Variants in TNPO2 observed in about 807,000 individuals in gnomAD.
TNPO2 encodes the protein transportin 2, also known as transportin-2.
Under a neutral mutation model 111.1 loss-of-function variants are expected in TNPO2, and 16 were observed. The observed-to-expected ratio is 0.14, with a 90% CI of 0.10 to 0.22. The LOEUF (loss-of-function observed/expected upper bound fraction) is 0.22, where lower values mean the gene tolerates loss of function less well. TNPO2 is among the 10% of genes least tolerant of loss of function. The pLI is 1.00. For synonymous variants in TNPO2, 481 were observed against 475.8 expected, an observed-to-expected ratio of 1.01 and a Z score of -0.14; for missense variants, 530 against 1,173.7, an observed-to-expected ratio of 0.45 and a Z score of 8.01.
chr19:12,708,828 G>A (rs1483576732), intron 13 of TNPO2, among the ~76,000 whole-genome samples: 4 of 151,692 alleles, frequency 2.6e-5, no homozygotes, highest in East Asian at 1.9e-4. Flanking sequence ...TCAAGATTGC[G>A]CCATTGCACT....
Position 12,715,566 on chromosome 19 carries a change from C to T in TNPO2, c.433-28G>A, listed in dbSNP as rs200049039. 12 of 1,613,664 alleles carry T rather than the reference C, an allele frequency of 7.4e-6. No homozygotes were observed. The Admixed American group carries it at 1.3e-4, about 18-fold the overall frequency. On this transcript the variant is annotated intron_variant, in intron 6 of 25. Coordinates refer to ENST00000425528, the MANE Select transcript of TNPO2 (RefSeq NM_001382241.1). This position sits in a 1 kb window ranked among gnomAD's most constrained non-coding sequence, Gnocchi z 7.1. ...GAGTGCAGAGGGGCAGAGAGACAAA[C>T]GTGGGTGGTGGGTGGTGGTCCCAGC...
chr19:12,712,855 C>T (rs1456279455), intron 10 of TNPO2, among the ~76,000 whole-genome samples: 1 of 152,194 alleles, frequency 6.6e-6, no homozygotes, highest in Non-Finnish European at 1.5e-5. Context: ...TTTATTTCTA[C>T]ACTCTCTCAT....
intron 13 of TNPO2, among the ~76,000 whole-genome samples, chr19:12,708,372 T>C (rs2025826098): frequency 6.6e-6 from 1 of 151,620 alleles, no homozygotes; most frequent in Non-Finnish European, 1.5e-5. Context: ...CATCAGGTGA[T>C]CCACCCGCCT....
Position 12,705,224 on chromosome 19 carries a change from C to T in TNPO2, c.2022+16G>A. 2.5e-6 allele frequency: 4 copies of T among 1,596,136 alleles called. No individual in the cohort carries two copies. The highest frequency in any genetic ancestry group is 3.4e-6 in the Non-Finnish European group (4 of 1,172,254). On this transcript the variant is annotated intron_variant, in intron 18 of 25. Transcript: ENST00000425528. This position sits in a 1 kb window ranked among gnomAD's most constrained non-coding sequence, Gnocchi z 7.2. ...CAGGCTGCTGGGTGTCATCACTGTC[C>T]AGGGTCCCCACCCACCTGCATGCAC... is the stretch of plus-strand genomic sequence containing the variant.
Position 12,705,776 on chromosome 19 carries a change from G to T in TNPO2, c.1669-8C>A. ...CAGCTTCTGGATGTATTCCTGGAGA[G>T]GGAGCACGAAATGGGCGCTCCCTGG... On this transcript the variant is annotated splice_region_variant and splice_polypyrimidine_tract_variant and intron_variant, in intron 15 of 25. Coordinates refer to ENST00000425528, the MANE Select transcript of TNPO2 (RefSeq NM_001382241.1). The surrounding 1 kb of genome is among the most constrained non-coding windows in gnomAD (Gnocchi z 7.2). 1 of 1,455,674 alleles carries T rather than the reference G, an allele frequency of 6.9e-7. No individual in the cohort carries two copies. The highest frequency in any genetic ancestry group is 9.1e-7 in the Non-Finnish European group (1 of 1,100,112). 90.2% of individuals were successfully genotyped at this position (1,455,674 alleles called of 1,614,324 possible).
rs201711242 is a variant in TNPO2 at position 12,701,386 on chromosome 19, G to A, written c.2654C>T (p.Pro885Leu). The change falls in exon 25 of 26, where the codon CCG becomes CTG. Residue 885 changes from proline (P) to leucine (L), a missense_variant. Coordinates refer to ENST00000425528, the MANE Select transcript of TNPO2 (RefSeq NM_001382241.1). The surrounding 1 kb of genome is among the most constrained non-coding windows in gnomAD (Gnocchi z 5.0). ...NWQQFSEQFP[P>L]LLKERLAAFY... ...AGCCGCCAGCCTCTCCTTGAGCAGCGGCGGGAATTGCTCAGAGAACTGCTG... is the reference window on the plus strand; with the variant it reads ...AGCCGCCAGCCTCTCCTTGAGCAGCAGCGGGAATTGCTCAGAGAACTGCTG... 3.8e-5 allele frequency: 61 copies of A among 1,613,942 alleles called. No individual in the cohort carries two copies. In the East Asian group the frequency reaches 5.6e-4, roughly 15 times the overall value.
chr19:12,707,511 A>C (rs1451405448), intron 13 of TNPO2, among the ~76,000 whole-genome samples: 5 of 83,012 alleles, frequency 6.0e-5, no homozygotes, highest in African/African-American at 2.4e-4. Context: ...TTTTTTTGAG[A>C]TGGAGTCTTG....
chr19:12,705,138 C>G lies in TNPO2; in HGVS notation c.2022+102G>C. On this transcript the variant is annotated intron_variant, in intron 18 of 25. Coordinates refer to ENST00000425528, the MANE Select transcript of TNPO2 (RefSeq NM_001382241.1). The surrounding 1 kb of genome is among the most constrained non-coding windows in gnomAD (Gnocchi z 7.2). ...CTCTTTAAAATAATTAGAACAGCAC[C>G]TTTTCCCTGATTTCCTTTGGGCACA... 8.0e-7 allele frequency: 1 copy of G among 1,251,010 alleles called. No individual in the cohort carries two copies. The highest frequency in any genetic ancestry group is 1.1e-6 in the Non-Finnish European group (1 of 896,448). 77.5% of individuals were successfully genotyped at this position (1,251,010 alleles called of 1,614,324 possible).
In TNPO2 at chr19:12,717,262, TTC is replaced by T. The variant is rs1449346664; in HGVS notation, c.326-1525_326-1524del. Among the ~76,000 whole-genome samples the T allele has an allele frequency of 3.0e-3, 442 of 148,930 alleles. 3 individuals are homozygous for T. Among genetic ancestry groups the T allele is most frequent in the African/African-American group, 0.01 (408 of 38,964 alleles). ...ACTAAGGTTATCAGTAGGTTTCTTT[TTC>T]TCTCTTTTTTTTTTTTTTTTTTTTT... On this transcript the variant is annotated intron_variant, in intron 5 of 25. Coordinates refer to ENST00000425528, the MANE Select transcript of TNPO2 (RefSeq NM_001382241.1).
chr19:12,701,343 C>A lies in TNPO2; in HGVS notation c.*3G>T. 1 of 1,612,564 alleles carries A rather than the reference C, an allele frequency of 6.2e-7. No individual in the cohort carries two copies. The highest frequency in any genetic ancestry group is 8.5e-7 in the Non-Finnish European group (1 of 1,178,794). ...CTCCTTACCTGGCAGTCTCCATGAT[C>A]ACCTAGACCCCATAGAAAGCCGCCA... On this transcript the variant is annotated 3_prime_UTR_variant, in exon 25 of 26. Coordinates refer to ENST00000425528, the MANE Select transcript of TNPO2 (RefSeq NM_001382241.1). The surrounding 1 kb of genome is among the most constrained non-coding windows in gnomAD (Gnocchi z 5.0).
chr19:12,720,657 C>CCTAAT, intron 3 of TNPO2, among the ~76,000 whole-genome samples: 2 of 152,118 alleles, frequency 1.3e-5, no homozygotes, highest in Non-Finnish European at 2.9e-5. Flanking sequence ...TAGATGCTAG[C>CCTAAT]GTTCGATGAA....
chr19:12,703,062 G>C (rs1447373649), intron 20 of TNPO2, 144 bp from the exon 21 acceptor site: 1 of 711,824 alleles, frequency 1.4e-6, no homozygotes, highest in South Asian at 1.8e-5. Flanking sequence ...GACCTTCTCC[G>C]GCTAATCCCC....
rs1029346730 is a variant in TNPO2 at position 12,723,772 on chromosome 19, C to A, written c.-134G>T. Reference sequence around the variant, plus strand: ...GGGAACAGCTATCTCAACCCACTTGCCGTAGGCAAAGTCAGTCCCGGCTCC... The same window carrying A: ...GGGAACAGCTATCTCAACCCACTTGACGTAGGCAAAGTCAGTCCCGGCTCC... On this transcript the variant is annotated 5_prime_UTR_variant, in exon 1 of 26. Coordinates refer to ENST00000425528, the MANE Select transcript of TNPO2 (RefSeq NM_001382241.1). 3.9e-5 allele frequency: 6 copies of A among 152,218 alleles called. No homozygotes were observed. The highest frequency in any genetic ancestry group is 1.4e-4 in the African/African-American group (6 of 41,444). 9.4% of individuals were successfully genotyped at this position (152,218 alleles called of 1,614,324 possible). A position where few individuals can be genotyped will look rare whatever the true frequency, so the allele number is the denominator to read the frequency against.
Position 12,715,329 on chromosome 19 carries a change from C to CG in TNPO2, c.567-6dup. 1.2e-6 allele frequency: 2 copies of CG among 1,613,742 alleles called. No homozygotes were observed. Among genetic ancestry groups the CG allele is most frequent in the Non-Finnish European group, 1.7e-6 (2 of 1,179,796 alleles). ...ACGCAGGCGATGGCGTGGGACCTGG[C>CG]GGGGAGCAGACACGTGGGTCACCCT... On this transcript the variant is annotated splice_region_variant and splice_polypyrimidine_tract_variant and intron_variant, in intron 7 of 25. Coordinates refer to ENST00000425528, the MANE Select transcript of TNPO2 (RefSeq NM_001382241.1). The surrounding 1 kb of genome is among the most constrained non-coding windows in gnomAD (Gnocchi z 7.1).
Position 12,702,839 on chromosome 19 carries a change from T to C in TNPO2, c.2289A>G (p.Thr763=). 1.2e-6 allele frequency: 2 copies of C among 1,613,810 alleles called. No homozygotes were observed. The highest frequency in any genetic ancestry group is 1.7e-6 in the Non-Finnish European group (2 of 1,179,764). ...EIINRPNTPK[T]LLENTGRLTS... is the part of the protein sequence containing the mutation. The stretch of plus-strand genomic sequence containing the variant: ...GGTGCCCACCTGTGTTTTCCAGCAG[T>C]GTCTTGGGTGTGTTGGGTCGGTTAA... The change falls in exon 21 of 26, where the codon ACA becomes ACG. Residue 763 remains threonine, a synonymous_variant. Transcript: ENST00000425528. The surrounding 1 kb of genome is among the most constrained non-coding windows in gnomAD (Gnocchi z 5.5).
rs2025696669 is a variant in TNPO2 at position 12,706,798 on chromosome 19, A to G, written c.1271-3T>C. 2 of 1,599,392 alleles carry G rather than the reference A, an allele frequency of 1.3e-6. No individual in the cohort carries two copies. The highest frequency in any genetic ancestry group is 1.1e-5 in the South Asian group (1 of 89,012). On this transcript the variant is annotated splice_polypyrimidine_tract_variant and splice_region_variant and intron_variant, in intron 13 of 25. Coordinates refer to ENST00000425528, the MANE Select transcript of TNPO2 (RefSeq NM_001382241.1). The surrounding 1 kb of genome is among the most constrained non-coding windows in gnomAD (Gnocchi z 7.0). Reference sequence around the variant, plus strand: ...GGGCACCATGCCCTGCATGCAGCCTACAAGGAAAGGGAACCAAGAGGGGGC... The same window carrying G: ...GGGCACCATGCCCTGCATGCAGCCTGCAAGGAAAGGGAACCAAGAGGGGGC...
rs1393209521 is a variant in TNPO2 at position 12,721,211 on chromosome 19, A to G, written c.-13-221T>C. The stretch of plus-strand genomic sequence containing the variant: ...GGGAGCGCGGGAGGGGGGATGTGGA[A>G]ACGGGCCACAGGCGGCGGCGGCGGG... On this transcript the variant is annotated intron_variant, in intron 2 of 25. Coordinates refer to ENST00000425528, the MANE Select transcript of TNPO2 (RefSeq NM_001382241.1). This position sits in a 1 kb window ranked among gnomAD's most constrained non-coding sequence, Gnocchi z 4.9. 4 of 1,365,858 alleles carry G rather than the reference A, an allele frequency of 2.9e-6. No homozygotes were observed. Among genetic ancestry groups the G allele is most frequent in the Non-Finnish European group, 3.8e-6 (4 of 1,064,720 alleles). 84.6% of individuals were successfully genotyped at this position (1,365,858 alleles called of 1,614,324 possible). A position where few individuals can be genotyped will look rare whatever the true frequency, so the allele number is the denominator to read the frequency against.
At position 12,719,416 on chromosome 19, in the gene TNPO2, T is replaced by G; in HGVS notation, c.100-80A>C. 9.5e-6 allele frequency: 12 copies of G among 1,259,270 alleles called. No individual in the cohort carries two copies. Among genetic ancestry groups the G allele is most frequent in the African/African-American group, 2.9e-5 (2 of 67,872 alleles). The allele number at this position is 1,259,270 out of a possible 1,614,324, so 78.0% of individuals were successfully genotyped here. ...CTCATTATGTACCTGACACTATCTC[T>G]GACCACTGGGACCAGGCTGCCAGCT... On this transcript the variant is annotated intron_variant, in intron 3 of 25. Transcript: ENST00000425528. This position sits in a 1 kb window ranked among gnomAD's most constrained non-coding sequence, Gnocchi z 5.0.
At chr19:12,703,071 C>G (rs1056568200) in intron 20 of TNPO2, 153 bp from the exon 21 acceptor site, 3 of 684,994 alleles carry the variant, frequency 4.4e-6, no homozygotes, top group Non-Finnish European at 7.4e-6. Context: ...CGGCTAATCC[C>G]CACCCAGAAT....
Sources: gnomAD v4.1 joint callset for allele counts (sites outside exome capture counted in the v4.1 genomes callset) on GRCh38, gnomAD v4.1.1 for gene constraint, Gnocchi (gnomAD v3.1) non-coding constraint, MANE v1.5 for transcripts, NCBI Gene and HGNC (gene_info 2026-07-23, HGNC 2026-07-21) for gene names.